CNTNAP5: variants seen among roughly 807,000 people sequenced by gnomAD.
CNTNAP5 encodes the protein contactin associated protein family member 5.
In CNTNAP5, 72 loss-of-function variants were observed where a neutral mutation model predicts 150.2. The ratio of observed to expected loss-of-function variants is 0.48; its 90% CI spans 0.40 to 0.58. The LOEUF (loss-of-function observed/expected upper bound fraction) is 0.58, where lower values mean the gene tolerates loss of function less well. CNTNAP5 is among the 20% of genes least tolerant of loss of function. The pLI is 0.00. For missense variants in CNTNAP5, 1,636 were observed against 1,626.2 expected, an observed-to-expected ratio of 1.01 and a Z score of -0.10; for synonymous variants, 672 against 619.8, an observed-to-expected ratio of 1.08 and a Z score of -1.25.
intron 13 of CNTNAP5, among the ~76,000 whole-genome samples, chr2:124,707,100 GGAAGAA>G (rs1319359711): frequency 1.1e-5 from 1 of 92,354 alleles, no homozygotes; most frequent in Admixed American, 1.1e-4. Context: ...AAGAAGAAGA[GGAAGAA>G]GAAGAGGAAG....
chr2:124,880,716 A>G (rs1043198464), intron 21 of CNTNAP5, among the ~76,000 whole-genome samples: 4 of 152,180 alleles, frequency 2.6e-5, no homozygotes, highest in Non-Finnish European at 5.9e-5. Flanking sequence ...AAGCCTATGG[A>G]TCTTTGTTCC....
chr2:124,452,718 G>A (rs145293216), intron 6 of CNTNAP5, among the ~76,000 whole-genome samples: 16 of 152,198 alleles, frequency 1.1e-4, no homozygotes, highest in African/African-American at 1.9e-4. Context: ...TAGTCAACCC[G>A]CAGTACCAGC....
chr2:124,877,906 A>T (rs772128937), intron 21 of CNTNAP5, among the ~76,000 whole-genome samples: 1 of 152,010 alleles, frequency 6.6e-6, no homozygotes, highest in African/African-American at 2.4e-5. Flanking sequence ...CTCGTTCCTT[A>T]TGCTAATTTA....
Position 124,915,106 on chromosome 2 carries a change from G to A in CNTNAP5, c.*818G>A, listed in dbSNP as rs1354011260. On this transcript the variant is annotated 3_prime_UTR_variant, in exon 24 of 24. Coordinates refer to ENST00000682447, the MANE Select transcript of CNTNAP5 (RefSeq NM_001367498.1). Reference sequence around the variant, plus strand: ...TCCAATTTTGTAAGAATGCTAGCTAGGTATTCCTGGGATTATTATACTGAG... The same window carrying A: ...TCCAATTTTGTAAGAATGCTAGCTAAGTATTCCTGGGATTATTATACTGAG... 3 of 163,464 alleles carry A rather than the reference G, an allele frequency of 1.8e-5. No homozygotes were observed. Among genetic ancestry groups the A allele is most frequent in the African/African-American group, 7.3e-5 (3 of 41,068 alleles). 10.1% of individuals were successfully genotyped at this position (163,464 alleles called of 1,614,324 possible).
chr2:124,417,318 T>C (rs1026555589), intron 3 of CNTNAP5, 125 bp from the exon 4 acceptor site: 6 of 943,260 alleles, frequency 6.4e-6, no homozygotes, highest in Admixed American at 2.7e-5. Flanking sequence ...CCAAGTCATA[T>C]TTCAATTGAA....
chr2:124,798,466 T>A, intron 19 of CNTNAP5, 146 bp downstream of exon 19: 1 of 628,980 alleles, frequency 1.6e-6, no homozygotes, highest in Non-Finnish European at 2.8e-6. Context: ...TCCTTGATTA[T>A]TCTTTACCTT....
intron 17 of CNTNAP5, among the ~76,000 whole-genome samples, chr2:124,786,464 A>G (rs144636182): frequency 0.14 from 12,877 of 88,948 alleles, 1,129 homozygotes; most frequent in African/African-American, 0.2. Flanking sequence ...AGAAAGAAAG[A>G]AAGGAAGGAA....
chr2:124,086,164 G>A (rs1397600725), intron 1 of CNTNAP5, among the ~76,000 whole-genome samples: 2 of 138,516 alleles, frequency 1.4e-5, no homozygotes, highest in Admixed American at 7.1e-5. Flanking sequence ...CACATATTTT[G>A]CAGCTTTGTT....
intron 10 of CNTNAP5, among the ~76,000 whole-genome samples, chr2:124,534,925 C>T (rs940722745): frequency 7.9e-5 from 12 of 152,116 alleles, no homozygotes; most frequent in Non-Finnish European, 1.3e-4. Context: ...TTCAATATGT[C>T]TCAGCCTTAT....
At chr2:124,669,292 C>A (rs189449959) in intron 13 of CNTNAP5, among the ~76,000 whole-genome samples, 26 of 152,326 alleles carry the variant, frequency 1.7e-4, no homozygotes, top group Admixed American at 1.6e-3. Context: ...GCTCTACAGC[C>A]GCCAAATCCC....
At chr2:124,293,165 A>G (rs1382229934) in intron 3 of CNTNAP5, among the ~76,000 whole-genome samples, 1 of 152,076 alleles carries the variant, frequency 6.6e-6, no homozygotes, top group Non-Finnish European at 1.5e-5. Context: ...ATTTTTTTAT[A>G]CTTGAAAATC....
At chr2:124,717,673 G>A (rs1469811974) in intron 13 of CNTNAP5, among the ~76,000 whole-genome samples, 1 of 152,192 alleles carries the variant, frequency 6.6e-6, no homozygotes, top group Admixed American at 6.5e-5. Context: ...CTGCTGGTAT[G>A]TGGATGTCAA....
chr2:124,706,940 A>AAGGAGG (rs368704738), intron 13 of CNTNAP5, among the ~76,000 whole-genome samples: 7 of 18,208 alleles, frequency 3.8e-4, no homozygotes, highest in African/African-American at 1.1e-3. Flanking sequence ...GAAGAAGAAG[A>AAGGAGG]AGGAGGAGGA....
At chr2:124,705,729 G>A (rs1356766550) in intron 13 of CNTNAP5, among the ~76,000 whole-genome samples, 2 of 149,496 alleles carry the variant, frequency 1.3e-5, no homozygotes, top group East Asian at 3.9e-4. Context: ...AATGAGTAGC[G>A]TAAAAATCTG....
In CNTNAP5 at chr2:124,795,288, T is replaced by C. The variant is rs556895759; in HGVS notation, c.2993-2808T>C. 5.3e-5 allele frequency among the ~76,000 whole-genome samples: 8 copies of C among 152,224 alleles called. No individual in the cohort carries two copies. In the East Asian group the frequency reaches 5.8e-4, roughly 11 times the overall value. On this transcript the variant is annotated intron_variant, in intron 18 of 23. Coordinates refer to ENST00000682447, the MANE Select transcript of CNTNAP5 (RefSeq NM_001367498.1). Reference sequence around the variant, plus strand: ...TTTATCTCCAAGTCTACAGGCCCCATGGAGGCTCAGAGACGCACCTTCCAG... The same window carrying C: ...TTTATCTCCAAGTCTACAGGCCCCACGGAGGCTCAGAGACGCACCTTCCAG...
At chr2:124,457,068 A>G (rs150903073) in intron 6 of CNTNAP5, among the ~76,000 whole-genome samples, 211 of 152,350 alleles carry the variant, frequency 1.4e-3, no homozygotes, top group African/African-American at 4.8e-3. Flanking sequence ...AATAGCTGGA[A>G]CTTAATTAAA....
Position 124,574,643 on chromosome 2 carries a change from G to A in CNTNAP5, c.1756+11320G>A, listed in dbSNP as rs192159910. ...TTACTTGGGTTTTCATTTGGAATGA[G>A]TCAACTCAAACAGTAATAAGAGTAG... On this transcript the variant is annotated intron_variant, in intron 11 of 23. Transcript: ENST00000682447. Among the ~76,000 whole-genome samples the A allele has an allele frequency of 2.1e-3, 326 of 152,314 alleles. 1 individual carries two copies. The highest frequency in any genetic ancestry group is 7.4e-3 in the African/African-American group (307 of 41,578).
chr2:124,911,658 G>A, intron 23 of CNTNAP5, 120 bp downstream of exon 23: 1 of 756,320 alleles, frequency 1.3e-6, no homozygotes, highest in South Asian at 1.6e-5. Flanking sequence ...TACATTACCT[G>A]CAAGACTGTG....
At chr2:124,483,761 A>G (rs914527664) in intron 7 of CNTNAP5, among the ~76,000 whole-genome samples, 1 of 152,230 alleles carries the variant, frequency 6.6e-6, no homozygotes, top group Non-Finnish European at 1.5e-5. Context: ...TTTACAGCAA[A>G]TGATCCTTCT....
Sources: gnomAD v4.1 joint callset for allele counts (sites outside exome capture counted in the v4.1 genomes callset) on GRCh38, gnomAD v4.1.1 for gene constraint, MANE v1.5 for transcripts, NCBI Gene and HGNC (gene_info 2026-07-23, HGNC 2026-07-21) for gene names.